The following ST3GAL3 variants were observed in gnomAD, a reference collection of about 807,000 sequenced individuals.
ST3GAL3 encodes CMP-N-acetylneuraminate-beta-1,4-galactoside alpha-2,3-sialyltransferase.
Under a neutral mutation model 50.1 loss-of-function variants are expected in ST3GAL3, and 21 were observed. The observed-to-expected ratio is 0.42, with a 90% confidence interval of 0.30 to 0.60. The LOEUF (loss-of-function observed/expected upper bound fraction) is 0.60, where lower values mean the gene tolerates loss of function less well. ST3GAL3 is among the 20% of genes least tolerant of loss of function. ST3GAL3 has a pLI of 0.19. For missense variants in ST3GAL3, 353 were observed against 489.4 expected (o/e 0.72, Z 2.63); for synonymous variants, 183 against 190.0 (o/e 0.96, Z 0.30).
intron 5 of ST3GAL3, chr1:43,850,200 T>C: frequency 3.5e-6 from 1 of 283,076 alleles, no homozygotes; most frequent in South Asian, 3.6e-5. Context: ...CAAGTGTCAG[T>C]GGGTCCCTTG....
intron 5 of ST3GAL3, among the ~76,000 whole-genome samples, chr1:43,879,894 T>TTGG (rs1413499809): frequency 6.6e-6 from 1 of 152,210 alleles, no homozygotes; most frequent in Non-Finnish European, 1.5e-5. Flanking sequence ...CCAAACGTGG[T>TTGG]TGGATCCATC....
intron 9 of ST3GAL3, among the ~76,000 whole-genome samples, chr1:43,906,663 G>T (rs568302726): frequency 6.8e-6 from 1 of 147,836 alleles, no homozygotes; most frequent in Non-Finnish European, 1.5e-5. Flanking sequence ...TCCTCTTCCC[G>T]CCACTCTTCC....
chr1:43,761,470 G>A (rs947341272), intron 2 of ST3GAL3, among the ~76,000 whole-genome samples: 1 of 151,944 alleles, frequency 6.6e-6, no homozygotes, highest in Non-Finnish European at 1.5e-5. Flanking sequence ...ATGACATGGT[G>A]TCAGGGACTT....
At chr1:43,869,549 A>T (rs566530649) in intron 5 of ST3GAL3, among the ~76,000 whole-genome samples, 2 of 152,236 alleles carry the variant, frequency 1.3e-5, no homozygotes, top group East Asian at 3.9e-4. Flanking sequence ...CCCATTTTTG[A>T]TGCTCCTCAT....
intron 3 of ST3GAL3, among the ~76,000 whole-genome samples, chr1:43,792,661 C>T (rs1462695263): frequency 1.3e-5 from 2 of 152,166 alleles, no homozygotes; most frequent in Non-Finnish European, 2.9e-5. Context: ...TGTACTCATG[C>T]CAAAATGCAT....
In ST3GAL3 at chr1:43,927,886, AGT is replaced by A. The variant is rs566436214; in HGVS notation, c.1039-2242_1039-2241del. Among the ~76,000 whole-genome samples, 14 of 152,158 alleles carry A rather than the reference AGT, an allele frequency of 9.2e-5. No homozygotes were observed. The South Asian group carries it at 2.9e-3, about 32-fold the overall frequency. On this transcript the variant is annotated intron_variant, in intron 11 of 11. Coordinates refer to ENST00000347631, the MANE Select transcript of ST3GAL3 (RefSeq NM_006279.5). Reference sequence around the variant, plus strand: ...CGCTTCCCGCCTTCAGAGGCTGTGGAGTGTGGAATGTGAGGGAAGAAACGGTC... The same window carrying A: ...CGCTTCCCGCCTTCAGAGGCTGTGGAGTGGAATGTGAGGGAAGAAACGGTC...
At chr1:43,921,311 C>G (rs1394902715) in intron 11 of ST3GAL3, 7 of 503,300 alleles carry the variant, frequency 1.4e-5, no homozygotes, top group Admixed American at 3.5e-5. Flanking sequence ...CTCCATATCT[C>G]TTCCACCCTT....
At chr1:43,885,440 C>T (rs547091297) in intron 5 of ST3GAL3, among the ~76,000 whole-genome samples, 4 of 152,096 alleles carry the variant, frequency 2.6e-5, no homozygotes, top group South Asian at 4.2e-4. Flanking sequence ...CCTCGCGTGC[C>T]GGGGTGCTGG....
chr1:43,749,373 C>T (rs1024565596), intron 2 of ST3GAL3, among the ~76,000 whole-genome samples: 1 of 152,192 alleles, frequency 6.6e-6, no homozygotes, highest in Non-Finnish European at 1.5e-5. Flanking sequence ...AAGCAAGCCA[C>T]ATGCTGGGAA....
At chr1:43,812,640 T>C (rs947937760) in intron 3 of ST3GAL3, among the ~76,000 whole-genome samples, 2 of 152,202 alleles carry the variant, frequency 1.3e-5, no homozygotes, top group Non-Finnish European at 2.9e-5. Context: ...TTTTTAAAAG[T>C]TTTTTGAATA....
At chr1:43,741,211 G>T (rs757498917) in intron 2 of ST3GAL3, among the ~76,000 whole-genome samples, 10 of 151,912 alleles carry the variant, frequency 6.6e-5, no homozygotes, top group Non-Finnish European at 1.3e-4. Flanking sequence ...TGTCTATGGT[G>T]CCAGCTACTC....
At chr1:43,799,207 G>A (rs1235509363) in intron 3 of ST3GAL3, among the ~76,000 whole-genome samples, 3 of 152,154 alleles carry the variant, frequency 2.0e-5, no homozygotes, top group Admixed American at 2.0e-4. Flanking sequence ...GTTTCAAATG[G>A]TTCTTACTTC....
At chr1:43,821,817 A>G (rs187077373) in intron 4 of ST3GAL3, among the ~76,000 whole-genome samples, 1 of 152,276 alleles carries the variant, frequency 6.6e-6, no homozygotes, top group Admixed American at 6.5e-5. Context: ...GGGCCTCGAA[A>G]AGTCTCAGGG....
intron 2 of ST3GAL3, among the ~76,000 whole-genome samples, chr1:43,771,729 GTTGTGT>G (rs1695265819): frequency 1.0e-5 from 1 of 98,174 alleles, no homozygotes. Flanking sequence ...TTTTAATAAA[GTTGTGT>G]GTGTGTGTGT....
intron 9 of ST3GAL3, among the ~76,000 whole-genome samples, chr1:43,902,881 T>C (rs1478702438): frequency 6.6e-6 from 1 of 152,156 alleles, no homozygotes; most frequent in Admixed American, 6.5e-5. Flanking sequence ...CAAAGAGGAA[T>C]TAAGCACTAT....
chr1:43,765,376 G>T (rs1428623644), intron 2 of ST3GAL3, among the ~76,000 whole-genome samples: 1 of 152,144 alleles, frequency 6.6e-6, no homozygotes, highest in Admixed American at 6.5e-5. Flanking sequence ...GTGCTTCCCT[G>T]CAGCGCACGT....
intron 6 of ST3GAL3, among the ~76,000 whole-genome samples, chr1:43,894,708 C>T (rs547091528): frequency 2.7e-4 from 41 of 151,646 alleles, no homozygotes; most frequent in Admixed American, 4.6e-4. Context: ...GGCATGATCT[C>T]GGCTCACACA....
chr1:43,899,261 G>A lies in ST3GAL3; in HGVS notation c.555G>A (p.Val185=), dbSNP rs1443943818. The change falls in exon 8 of 12, where the codon GTG becomes GTA. Residue 185 remains valine (V), a splice_region_variant and synonymous_variant. Transcript: ENST00000347631. The surrounding 1 kb of genome is among the most constrained non-coding windows in gnomAD (Gnocchi z 5.4). ...GSRIDDYDIV[V]RLNSAPVKGF... ...GAATTGACGACTATGACATTGTGGT[G>A]AGGTGAGCTCCCCAAAATGGCACCT... is the stretch of plus-strand genomic sequence containing the variant. 1.9e-6 allele frequency: 3 copies of A among 1,614,204 alleles called. No individual in the cohort carries two copies. In the South Asian group the frequency reaches 3.3e-5, roughly 18 times the overall value.
intron 2 of ST3GAL3, among the ~76,000 whole-genome samples, chr1:43,759,079 A>G (rs967919407): frequency 1.9e-4 from 29 of 151,252 alleles, no homozygotes; most frequent in South Asian, 1.1e-3. Flanking sequence ...ACACACACAC[A>G]CACACACACA....
Sources: gnomAD v4.1 joint callset for allele counts (sites outside exome capture counted in the v4.1 genomes callset) on GRCh38, gnomAD v4.1.1 for gene constraint, Gnocchi (gnomAD v3.1) non-coding constraint, MANE v1.5 for transcripts, NCBI Gene and HGNC (gene_info 2026-07-23, HGNC 2026-07-21) for gene names.